Variants in AP1B1 observed in about 807,000 individuals in gnomAD.
AP1B1 encodes the protein adaptor related protein complex 1 subunit beta 1, also known as AP-1 complex subunit beta-1.
A neutral mutation model predicts 104.3 loss-of-function variants in AP1B1; 36 were observed. The observed-to-expected ratio is 0.35, with a 90% CI of 0.26 to 0.46. AP1B1 has a LOEUF of 0.46. Among genes scored for constraint, AP1B1 ranks in the 20% least tolerant of loss-of-function variants. AP1B1 has a pLI of 1.00. For synonymous variants in AP1B1, 504 were observed against 517.5 expected, an observed-to-expected ratio of 0.97 and a Z score of 0.35; for missense variants, 901 against 1,247.9, an observed-to-expected ratio of 0.72 and a Z score of 4.19.
intron 2 of AP1B1, among the ~76,000 whole-genome samples, 193 bp from the exon 3 acceptor site, chr22:29,363,299 A>C (rs2062079292): frequency 6.6e-6 from 1 of 152,190 alleles, no homozygotes; most frequent in Admixed American, 6.5e-5. Flanking sequence ...GGAATTAACA[A>C]GATGGAAACT....
intron 1 of AP1B1, among the ~76,000 whole-genome samples, chr22:29,380,793 A>C (rs1569167823): frequency 6.6e-6 from 1 of 152,086 alleles, no homozygotes; most frequent in Non-Finnish European, 1.5e-5. Flanking sequence ...CTGACACCCC[A>C]TCTCAGCAAC....
At position 29,327,730 on chromosome 22, in the gene AP1B1, A is replaced by G. The variant is rs778155709; in HGVS notation, c.*1091T>C. ...TCTCTTTCTGAAAATAAGAGTAAAC[A>G]TACAATATATATTTTCTGATGATAT... On this transcript the variant is annotated 3_prime_UTR_variant, in exon 23 of 23. Transcript: ENST00000357586. The G allele has an allele frequency of 6.6e-6, 1 of 152,192 alleles. No individual in the cohort carries two copies. Among genetic ancestry groups the G allele is most frequent in the Non-Finnish European group, 1.5e-5 (1 of 68,040 alleles). 9.4% of individuals were successfully genotyped at this position (152,192 alleles called of 1,614,324 possible).
rs539553754 is a variant in AP1B1, at chr22:29,379,680, A to G, written c.-28+8744T>C. On this transcript the variant is annotated intron_variant, in intron 1 of 22. Coordinates refer to ENST00000357586, the MANE Select transcript of AP1B1 (RefSeq NM_001127.4). ...CTCCAGAGGAGGAGGGTTCTGAGATAGGTGGAGCAGCAAGGGAAGTTCTCT... is the reference window on the plus strand; with the variant it reads ...CTCCAGAGGAGGAGGGTTCTGAGATGGGTGGAGCAGCAAGGGAAGTTCTCT... Among the ~76,000 whole-genome samples, 7 of 152,308 alleles carry G rather than the reference A, an allele frequency of 4.6e-5. No individual in the cohort carries two copies. The South Asian group carries it at 1.4e-3, about 32-fold the overall frequency.
rs575185089 is a variant in AP1B1, at chr22:29,384,666, G to A, written c.-28+3758C>T. The stretch of plus-strand genomic sequence containing the variant: ...GCGGGTCACTTGAGGTCAGGAGTTC[G>A]AGACCAGCCTGGCTAACATGGTGAA... On this transcript the variant is annotated intron_variant, in intron 1 of 22. Coordinates refer to ENST00000357586, the MANE Select transcript of AP1B1 (RefSeq NM_001127.4). Among the ~76,000 whole-genome samples the A allele has an allele frequency of 1.6e-3, 236 of 152,160 alleles. 1 individual carries two copies. Among genetic ancestry groups the A allele is most frequent in the African/African-American group, 5.5e-3 (228 of 41,506 alleles).
intron 16 of AP1B1, among the ~76,000 whole-genome samples, chr22:29,337,802 G>A (rs558633654): frequency 6.6e-6 from 1 of 152,268 alleles, no homozygotes; most frequent in South Asian, 2.1e-4. Context: ...CCACCCACAA[G>A]AGCCCCCGTG....
chr22:29,382,528 C>A (rs1023442194), intron 1 of AP1B1, among the ~76,000 whole-genome samples: 1 of 151,786 alleles, frequency 6.6e-6, no homozygotes, highest in Non-Finnish European at 1.5e-5. Flanking sequence ...GGAAAGAGAC[C>A]GTAAGCAAGA....
chr22:29,380,490 G>T (rs1456345630), intron 1 of AP1B1, among the ~76,000 whole-genome samples: 1 of 152,092 alleles, frequency 6.6e-6, no homozygotes. Context: ...CTCAAACAAT[G>T]GGATAAAAAC....
intron 16 of AP1B1, among the ~76,000 whole-genome samples, chr22:29,338,682 T>C (rs896785465): frequency 1.3e-5 from 2 of 152,172 alleles, no homozygotes; most frequent in African/African-American, 4.8e-5. Context: ...CTGACAGGCC[T>C]CTGCTGATTC....
At chr22:29,329,293 G>A in intron 22 of AP1B1, 1 of 1,162,536 alleles carries the variant, frequency 8.6e-7, no homozygotes, top group Non-Finnish European at 1.1e-6. Context: ...GGCTGGGAGG[G>A]AGCCTGGAGG....
intron 11 of AP1B1, 29 bp from the exon 12 acceptor site, chr22:29,342,412 A>T: frequency 6.3e-7 from 1 of 1,582,278 alleles, no homozygotes; most frequent in Non-Finnish European, 8.7e-7. Flanking sequence ...ACGAGGAGGA[A>T]GTGTGGGCCT....
At chr22:29,355,154 T>C (rs2061936186) in intron 6 of AP1B1, among the ~76,000 whole-genome samples, 1 of 151,928 alleles carries the variant, frequency 6.6e-6, no homozygotes. Context: ...TGAGAATCGC[T>C]TGAACCCAGG....
chr22:29,356,378 G>A (rs374086528), intron 6 of AP1B1, 48 bp downstream of exon 6: 2 of 1,566,524 alleles, frequency 1.3e-6, no homozygotes, highest in African/African-American at 1.4e-5. Flanking sequence ...AGCCCCTGAG[G>A]ACCAGGGTCC....
chr22:29,365,632 C>G (rs2062123660), intron 2 of AP1B1, among the ~76,000 whole-genome samples: 2 of 152,088 alleles, frequency 1.3e-5, no homozygotes, highest in African/African-American at 2.4e-5. Flanking sequence ...ATTAGTTGCC[C>G]AGGCTAGACT....
intron 5 of AP1B1, among the ~76,000 whole-genome samples, chr22:29,357,069 G>A (rs13053373): frequency 1.6e-5 from 2 of 125,042 alleles, no homozygotes; most frequent in East Asian, 5.3e-4. Flanking sequence ...TTTGTTTTTT[G>A]TTTTTTTTTT....
intron 1 of AP1B1, among the ~76,000 whole-genome samples, chr22:29,387,135 G>C (rs2062537792): frequency 1.3e-5 from 2 of 152,164 alleles, no homozygotes; most frequent in South Asian, 4.1e-4. Context: ...GTTCCCTAAA[G>C]TCAGGAAAAT....
chr22:29,330,142 T>G, intron 21 of AP1B1: 1 of 1,426,304 alleles, frequency 7.0e-7, no homozygotes, highest in Non-Finnish European at 9.2e-7. Flanking sequence ...AGGGCCCAAT[T>G]TTACACAATC....
At chr22:29,349,411 G>T (rs565181511) in intron 10 of AP1B1, 28 bp from the exon 11 acceptor site, 1 of 1,610,152 alleles carries the variant, frequency 6.2e-7, no homozygotes, top group South Asian at 1.1e-5. Context: ...AGTTGGTATG[G>T]GAGCCCTCAA....
At chr22:29,339,874 G>C in intron 14 of AP1B1, 100 bp from the exon 15 acceptor site, 2 of 1,321,766 alleles carry the variant, frequency 1.5e-6, no homozygotes, top group Non-Finnish European at 2.1e-6. Context: ...AGGGAAAGAG[G>C]GAGATTAGTC....
At chr22:29,380,835 G>A (rs1157658219) in intron 1 of AP1B1, among the ~76,000 whole-genome samples, 2 of 152,110 alleles carry the variant, frequency 1.3e-5, no homozygotes, top group Non-Finnish European at 2.9e-5. Flanking sequence ...GTCCAAATCA[G>A]ACAGTAGCAC....
Sources: allele counts gnomAD v4.1 joint callset (sites outside exome capture counted in the v4.1 genomes callset), GRCh38; gene constraint gnomAD v4.1.1; transcripts MANE v1.5; gene names NCBI Gene and HGNC (gene_info 2026-07-23, HGNC 2026-07-21).